The following FAM228B variants were observed in gnomAD, a reference collection of about 807,000 sequenced individuals.
The protein encoded by FAM228B is protein FAM228B.
In FAM228B, 38 loss-of-function variants were observed where a neutral mutation model predicts 42.6. The ratio of observed to expected loss-of-function variants is 0.89; its 90% CI spans 0.69 to 1.17. FAM228B has a LOEUF of 1.17. FAM228B is among the 50% of genes most tolerant of loss of function. FAM228B has a pLI of 0.00. For synonymous variants in FAM228B, 109 were observed against 122.3 expected, an observed-to-expected ratio of 0.89 and a Z score of 0.72; for missense variants, 344 against 367.3, an observed-to-expected ratio of 0.94 and a Z score of 0.52.
At chr2:24,082,844 T>A (rs1037033815) in intron 2 of FAM228B, 52 of 1,554,544 alleles carry the variant, frequency 3.3e-5, no homozygotes, top group Non-Finnish European at 4.3e-5. Flanking sequence ...TATGAAGGTG[T>A]TGAGCCACAT....
chr2:24,099,795 AACC>A (rs1665570045), intron 3 of FAM228B, among the ~76,000 whole-genome samples: 1 of 152,158 alleles, frequency 6.6e-6, no homozygotes, highest in Non-Finnish European at 1.5e-5. Context: ...ACCAAAAAAG[AACC>A]CCCCATTACC....
chr2:24,144,423 C>T (rs941730870), intron 5 of FAM228B, among the ~76,000 whole-genome samples: 7 of 152,152 alleles, frequency 4.6e-5, no homozygotes, highest in Non-Finnish European at 8.8e-5. Context: ...GAGACCCTGT[C>T]GGAGAGCTTC....
intron 7 of FAM228B, among the ~76,000 whole-genome samples, chr2:24,158,301 C>T (rs1667206705): frequency 6.8e-6 from 1 of 146,940 alleles, no homozygotes; most frequent in South Asian, 2.2e-4. Context: ...CCTGTTTACA[C>T]TAGGCCGTAC....
upstream of FAM228B, among the ~76,000 whole-genome samples, chr2:24,119,293 G>A (rs1666022768): frequency 6.6e-6 from 1 of 152,096 alleles, no homozygotes; most frequent in Non-Finnish European, 1.5e-5. Context: ...GGGAGGCTTG[G>A]CCATGATATC....
intron 2 of FAM228B, among the ~76,000 whole-genome samples, chr2:24,128,372 A>G (rs986103481): frequency 6.6e-6 from 1 of 152,160 alleles, no homozygotes; most frequent in African/African-American, 2.4e-5. Context: ...TACAGGTGTG[A>G]GCCATCATGC....
chr2:24,082,841 G>A (rs376251476), intron 2 of FAM228B: 1 of 1,551,318 alleles, frequency 6.4e-7, no homozygotes, highest in African/African-American at 1.4e-5. Context: ...ATTTATGAAG[G>A]TGTTGAGCCA....
upstream of FAM228B, chr2:24,122,537 T>A (rs756436224): frequency 5.0e-6 from 8 of 1,601,388 alleles, no homozygotes; most frequent in Non-Finnish European, 6.8e-6. Flanking sequence ...ATGGCTCATG[T>A]TCCCTCAACT....
chr2:24,161,433 C>T lies in FAM228B; in HGVS notation c.687-73C>T. Reference sequence around the variant, plus strand: ...CACCACTGCACCACAGCCTGAGCAACAGAGATCTTGTCTCAAAAAACAACA... The same window carrying T: ...CACCACTGCACCACAGCCTGAGCAATAGAGATCTTGTCTCAAAAAACAACA... On this transcript the variant is annotated intron_variant, in intron 7 of 10. Coordinates refer to ENST00000615575, the MANE Select transcript of FAM228B (RefSeq NM_001145710.2). The T allele has an allele frequency of 3.3e-6, 3 of 898,840 alleles. No homozygotes were observed. In the Admixed American group the frequency reaches 7.2e-5, roughly 22 times the overall value. 55.7% of individuals were successfully genotyped at this position (898,840 alleles called of 1,614,324 possible).
At chr2:24,149,797 G>A (rs72797842) in intron 7 of FAM228B, among the ~76,000 whole-genome samples, 25,804 of 152,140 alleles carry the variant, frequency 0.17, 2,804 homozygotes, top group Non-Finnish European at 0.24. Flanking sequence ...ATTGGTTTCT[G>A]TGTGTATTGG....
Position 24,109,171 on chromosome 2 carries a change from C to CAA in FAM228B, c.-121+13958_-121+13959dup, listed in dbSNP as rs70944716. Among the ~76,000 whole-genome samples the CAA allele has an allele frequency of 2.3e-3, 225 of 96,010 alleles. 1 individual carries two copies. Among genetic ancestry groups the CAA allele is most frequent in the African/African-American group, 5.4e-3 (129 of 23,970 alleles). 63.0% of individuals were successfully genotyped at this position (96,010 alleles called of 152,430 possible). A position where few individuals can be genotyped will look rare whatever the true frequency, so the allele number is the denominator to read the frequency against. On this transcript the variant is annotated intron_variant, in intron 3 of 10. Transcript: ENST00000613899. ...AGTTGACAAAAAAAAAGAGTAATGGCAAAAAAAAAAAAAAAAAGCAATGGA... is the reference window on the plus strand; with the variant it reads ...AGTTGACAAAAAAAAAGAGTAATGGCAAAAAAAAAAAAAAAAAAAGCAATGGA...
chr2:24,130,755 T>G (rs1666436365), intron 2 of FAM228B, among the ~76,000 whole-genome samples: 1 of 152,218 alleles, frequency 6.6e-6, no homozygotes, highest in South Asian at 2.1e-4. Context: ...GGTTTCCTGT[T>G]CATTCCAATG....
chr2:24,115,464 T>A, intron 3 of FAM228B: 1 of 827,674 alleles, frequency 1.2e-6, no homozygotes, highest in Non-Finnish European at 1.9e-6. Context: ...CTCCCTTAAT[T>A]CATTCTTCTT....
intron 5 of FAM228B, among the ~76,000 whole-genome samples, chr2:24,145,271 G>A (rs1034541363): frequency 7.2e-5 from 11 of 152,254 alleles, no homozygotes; most frequent in African/African-American, 2.6e-4. Context: ...TGAGGCTGGG[G>A]ACTGGCCTGC....
In FAM228B at chr2:24,084,357, A is replaced by C; in HGVS notation, c.-210+3402A>C. 7.3e-7 allele frequency: 1 copy of C among 1,371,788 alleles called. No homozygotes were observed. The highest frequency in any genetic ancestry group is 9.9e-7 in the Non-Finnish European group (1 of 1,009,684). The allele number at this position is 1,371,788 out of a possible 1,614,324, so 85.0% of individuals were successfully genotyped here. Reference sequence around the variant, plus strand: ...CTGAGGACACAGGGCAGGGCAGGGCAGGACAGGACAGGGCAGGGCAGGGCA... The same window carrying C: ...CTGAGGACACAGGGCAGGGCAGGGCCGGACAGGACAGGGCAGGGCAGGGCA... On this transcript the variant is annotated intron_variant, in intron 2 of 10. Coordinates refer to the FAM228B transcript ENST00000613899. The surrounding 1 kb of genome is among the most constrained non-coding windows in gnomAD (Gnocchi z 8.4).
At chr2:24,086,644 G>A (rs140229892) in intron 2 of FAM228B, among the ~76,000 whole-genome samples, 352 of 152,134 alleles carry the variant, frequency 2.3e-3, no homozygotes, top group Admixed American at 5.6e-3. Flanking sequence ...AGGATTACAA[G>A]TATGAGCCAC....
chr2:24,150,356 A>AT (rs1056255272), intron 7 of FAM228B, among the ~76,000 whole-genome samples: 15 of 151,050 alleles, frequency 9.9e-5, no homozygotes, highest in Admixed American at 2.6e-4. Context: ...CTTGAAGGAT[A>AT]TTTTTTTTTC....
At chr2:24,137,861 A>G in intron 3 of FAM228B, 48 bp from the exon 4 acceptor site, 2 of 1,372,268 alleles carry the variant, frequency 1.5e-6, no homozygotes, top group Non-Finnish European at 1.9e-6. Flanking sequence ...TTTTAGAACA[A>G]GAAAGCTTTA....
At chr2:24,089,938 G>C (rs762729948) in intron 2 of FAM228B, among the ~76,000 whole-genome samples, 3 of 140,176 alleles carry the variant, frequency 2.1e-5, no homozygotes, top group Non-Finnish European at 4.6e-5. Flanking sequence ...TTGCACTCCA[G>C]CCTGGGGAAC....
chr2:24,112,296 C>CTTTT (rs397984067), intron 3 of FAM228B, among the ~76,000 whole-genome samples: 6 of 95,742 alleles, frequency 6.3e-5, no homozygotes, highest in South Asian at 3.5e-4. Context: ...AAGCTTTCAT[C>CTTTT]TTTTTTTTTT....
Sources: gnomAD v4.1 joint callset for allele counts (sites outside exome capture counted in the v4.1 genomes callset) on GRCh38, gnomAD v4.1.1 for gene constraint, Gnocchi (gnomAD v3.1) non-coding constraint, MANE v1.5 for transcripts, NCBI Gene and HGNC (gene_info 2026-07-23, HGNC 2026-07-21) for gene names.